APBB1IP: variants seen among roughly 807,000 people sequenced by gnomAD.
APBB1IP encodes amyloid beta A4 precursor protein-binding family B member 1-interacting protein.
Under a neutral mutation model 64.9 loss-of-function variants are expected in APBB1IP, and 27 were observed. That is an observed-to-expected ratio of 0.42 (90% CI 0.31 to 0.57). The LOEUF is 0.57. APBB1IP is among the 20% of genes least tolerant of loss of function. The pLI is 0.20. For synonymous variants in APBB1IP, 392 were observed against 331.0 expected (o/e 1.18, Z -2.00); for missense variants, 812 against 845.5 (o/e 0.96, Z 0.49).
At chr10:26,555,048 C>T (rs1314505944) in intron 11 of APBB1IP, among the ~76,000 whole-genome samples, 3 of 152,134 alleles carry the variant, frequency 2.0e-5, no homozygotes, top group South Asian at 2.1e-4. Flanking sequence ...CCATAACATC[C>T]ACCTACTCTA....
At chr10:26,487,059 C>T (rs1483057747) in intron 2 of APBB1IP, among the ~76,000 whole-genome samples, 2 of 152,062 alleles carry the variant, frequency 1.3e-5, no homozygotes, top group African/African-American at 4.8e-5. Context: ...AAGTGACATA[C>T]TCACAAAAAG....
rs116846635 is a variant in APBB1IP, at chr10:26,502,334, T to C, written c.454-863T>C. 2.4e-3 allele frequency among the ~76,000 whole-genome samples: 372 copies of C among 152,318 alleles called. 3 individuals are homozygous for C. In the East Asian group the frequency reaches 0.026, roughly 11 times the overall value. On this transcript the variant is annotated intron_variant, in intron 5 of 14. Coordinates refer to ENST00000376236, the MANE Select transcript of APBB1IP (RefSeq NM_019043.4). The stretch of plus-strand genomic sequence containing the variant: ...GTCAGTGCTTTTGTTTTTTGGTGAA[T>C]TGTAAGTTTAAATTTCAGTCTCTTG...
rs1292950674 is a variant in APBB1IP at position 26,545,782 on chromosome 10, C to CA, written c.1155+4099dup. On this transcript the variant is annotated intron_variant, in intron 11 of 14. Transcript: ENST00000376236. ...CTCAAAAAAAAAACAAACAAACAAA[C>CA]AAAAAAAAACCACAAAAATTAGCTG... Among the ~76,000 whole-genome samples the CA allele has an allele frequency of 8.4e-4, 47 of 55,896 alleles. 2 individuals carry two copies. The highest frequency in any genetic ancestry group is 1.4e-3 in the South Asian group (3 of 2,138). 36.7% of individuals were successfully genotyped at this position (55,896 alleles called of 152,430 possible).
chr10:26,516,178 AAAACAAAC>A (rs759872730), intron 8 of APBB1IP, among the ~76,000 whole-genome samples: 1 of 152,082 alleles, frequency 6.6e-6, no homozygotes, highest in African/African-American at 2.4e-5. Flanking sequence ...TGCCCAGAAG[AAAACAAAC>A]AAACAAACAA....
intron 4 of APBB1IP, 113 bp downstream of exon 4, chr10:26,496,504 T>C (rs980296190): frequency 1.2e-5 from 10 of 815,358 alleles, no homozygotes; most frequent in Non-Finnish European, 1.9e-5. Context: ...TCATGATAAA[T>C]ATTGTTAAAA....
chr10:26,490,097 T>C (rs1326063712), intron 2 of APBB1IP, among the ~76,000 whole-genome samples: 1 of 152,152 alleles, frequency 6.6e-6, no homozygotes, highest in Non-Finnish European at 1.5e-5. Flanking sequence ...TGACAAAGCT[T>C]ATTTCATAGA....
At chr10:26,497,830 G>A (rs1474883443) in intron 4 of APBB1IP, among the ~76,000 whole-genome samples, 2 of 147,176 alleles carry the variant, frequency 1.4e-5, no homozygotes, top group African/African-American at 2.5e-5. Context: ...GGGTTCAAGC[G>A]ATTCTCCTGC....
intron 2 of APBB1IP, 122 bp from the exon 3 acceptor site, chr10:26,492,205 T>C: frequency 3.8e-6 from 3 of 780,732 alleles, no homozygotes; most frequent in Non-Finnish European, 6.4e-6. Flanking sequence ...CCTCTCAATA[T>C]AGTCCTCTCC....
At chr10:26,488,543 T>C (rs190992359) in intron 2 of APBB1IP, among the ~76,000 whole-genome samples, 34 of 152,216 alleles carry the variant, frequency 2.2e-4, no homozygotes, top group African/African-American at 7.2e-4. Context: ...TTGTAGGAAA[T>C]TTAAAGAAAG....
chr10:26,541,673 A>G lies in APBB1IP; in HGVS notation c.1136A>G (p.Asp379Gly). 1 of 1,607,144 alleles carries G rather than the reference A, an allele frequency of 6.2e-7. No homozygotes were observed. Among genetic ancestry groups the G allele is most frequent in the Non-Finnish European group, 8.5e-7 (1 of 1,176,280 alleles). ...QHKMKYKAPT[D>G]YCFVLKHPQI... ...AAAATGAAATATAAAGCGCCCACTG[A>G]CTATTGCTTTGTTTTAAAGGTATGT... is the stretch of plus-strand genomic sequence containing the variant. Residue 379 changes from aspartate (D) to glycine (G), a missense_variant, in exon 11 of 15, where the codon GAC becomes GGC. This residue lies in a region of APBB1IP where 37 missense variants were observed against 80.4 expected (regional missense o/e 0.46). Coordinates refer to ENST00000376236, the MANE Select transcript of APBB1IP (RefSeq NM_019043.4).
intron 11 of APBB1IP, among the ~76,000 whole-genome samples, chr10:26,559,739 C>T (rs1407459181): frequency 6.6e-6 from 1 of 151,662 alleles, no homozygotes; most frequent in African/African-American, 2.4e-5. Context: ...CTCCCTCAGC[C>T]TCCCGAGTAG....
intron 11 of APBB1IP, among the ~76,000 whole-genome samples, chr10:26,546,963 G>T (rs537115509): frequency 1.1e-4 from 16 of 152,238 alleles, no homozygotes; most frequent in African/African-American, 3.9e-4. Flanking sequence ...GTTTTTTGAG[G>T]CACCTCCATA....
chr10:26,532,290 C>T (rs1303260825), intron 8 of APBB1IP, among the ~76,000 whole-genome samples: 2 of 152,072 alleles, frequency 1.3e-5, no homozygotes, highest in East Asian at 1.9e-4. Flanking sequence ...ATTATATTCA[C>T]GGTGCATATG....
At chr10:26,534,043 G>A (rs1398214244) in intron 9 of APBB1IP, among the ~76,000 whole-genome samples, 1 of 151,756 alleles carries the variant, frequency 6.6e-6, no homozygotes, top group Non-Finnish European at 1.5e-5. Flanking sequence ...GATGGGGAAA[G>A]CACTGTGTTG....
intron 8 of APBB1IP, among the ~76,000 whole-genome samples, chr10:26,527,468 G>A (rs1004930770): frequency 2.6e-5 from 4 of 150,990 alleles, no homozygotes; most frequent in Non-Finnish European, 4.4e-5. Flanking sequence ...GATCATTTGA[G>A]CTCAGGAGTT....
At chr10:26,455,660 TG>T (rs1835516573) in intron 2 of APBB1IP, among the ~76,000 whole-genome samples, 3 of 152,070 alleles carry the variant, frequency 2.0e-5, no homozygotes, top group African/African-American at 7.2e-5. Flanking sequence ...CTATGTCTGC[TG>T]ATTCAGCTGT....
At chr10:26,526,790 G>A (rs1348999644) in intron 8 of APBB1IP, among the ~76,000 whole-genome samples, 1 of 152,054 alleles carries the variant, frequency 6.6e-6, no homozygotes, top group Non-Finnish European at 1.5e-5. Flanking sequence ...AAAATATAAG[G>A]AAGGAAATCT....
chr10:26,463,757 G>T (rs1016128703), intron 2 of APBB1IP, among the ~76,000 whole-genome samples: 4 of 152,162 alleles, frequency 2.6e-5, no homozygotes, highest in African/African-American at 9.7e-5. Context: ...TTTAAGGTCT[G>T]GGATACATGT....
rs930176048 is a variant in APBB1IP, at chr10:26,540,188, G to A, written c.1045-1394G>A. Among the ~76,000 whole-genome samples the A allele has an allele frequency of 5.3e-5, 8 of 152,072 alleles. No individual in the cohort carries two copies. The East Asian group carries it at 5.8e-4, about 11-fold the overall frequency. ...CTGTAGTAGAATAGTTAAATAAATC[G>A]TTACACCTGTACCGTAGAATTCTCT... On this transcript the variant is annotated intron_variant, in intron 10 of 14. Transcript: ENST00000376236.
Sources: gnomAD v4.1 joint callset for allele counts (sites outside exome capture counted in the v4.1 genomes callset) on GRCh38, gnomAD v4.1.1 for gene constraint, gnomAD v4.1.1 regional missense constraint, MANE v1.5 for transcripts, NCBI Gene and HGNC (gene_info 2026-07-23, HGNC 2026-07-21) for gene names.